The following LGI1 variants were observed in gnomAD, a reference collection of about 807,000 sequenced individuals.
LGI1 encodes the protein leucine rich glioma inactivated 1.
LGI1 carries 11 observed loss-of-function variants against 57.7 expected under a neutral mutation model. The observed-to-expected ratio is 0.19, with a 90% CI of 0.12 to 0.32. The LOEUF is 0.32. Ranked by LOEUF, LGI1 falls within the 10% of genes least tolerant of loss-of-function variation. The pLI is 1.00. For missense variants in LGI1, 422 were observed against 661.9 expected (o/e 0.64, Z 3.98); for synonymous variants, 222 against 241.9 (o/e 0.92, Z 0.76).
rs190115705 is a variant in LGI1 at position 93,787,315 on chromosome 10, C to A, written c.432-2784C>A. ...CTCCCTCTGGCTCCCCTGCCTCCCC[C>A]ACCCTCTGATTCCCAAGGCAAAAGC... On this transcript the variant is annotated intron_variant, in intron 4 of 7. Coordinates refer to ENST00000371418, the MANE Select transcript of LGI1 (RefSeq NM_005097.4). Among the ~76,000 whole-genome samples the A allele has an allele frequency of 2.1e-3, 317 of 152,318 alleles. 1 individual carries two copies. The highest frequency in any genetic ancestry group is 7.3e-3 in the African/African-American group (303 of 41,570).
At chr10:93,791,426 A>C (rs2059937419) in intron 5 of LGI1, 1 of 152,312 alleles carries the variant, frequency 6.6e-6, no homozygotes, top group Non-Finnish European at 1.5e-5. Context: ...AGTGAAAGAC[A>C]AAACAAAAAA....
At chr10:93,764,911 A>T (rs997094474) in intron 2 of LGI1, 1 of 152,224 alleles carries the variant, frequency 6.6e-6, no homozygotes, top group African/African-American at 2.4e-5. Context: ...GGTTCTACAC[A>T]CAGTTCCCCA....
intron 6 of LGI1, 60 bp from the exon 7 acceptor site, chr10:93,793,126 A>C: frequency 1.4e-6 from 2 of 1,406,260 alleles, no homozygotes; most frequent in South Asian, 2.5e-5. Context: ...TGAATATTTA[A>C]GATCTAGCCA....
At chr10:93,778,464 A>C (rs770307873) in intron 4 of LGI1, among the ~76,000 whole-genome samples, 1 of 152,176 alleles carries the variant, frequency 6.6e-6, no homozygotes, top group Non-Finnish European at 1.5e-5. Flanking sequence ...CTAGAAGAGC[A>C]TGGAAAGAAA....
At chr10:93,765,802 C>T (rs921046245) in intron 2 of LGI1, 11 of 151,980 alleles carry the variant, frequency 7.2e-5, no homozygotes, top group African/African-American at 2.7e-4. Context: ...AACCCCGTCT[C>T]TACTAAAAAT....
At chr10:93,779,421 G>A (rs1214263934) in intron 4 of LGI1, among the ~76,000 whole-genome samples, 1 of 143,420 alleles carries the variant, frequency 7.0e-6, no homozygotes, top group Non-Finnish European at 1.5e-5. Context: ...AAGGAGGGAG[G>A]GAGCGAGGGA....
At chr10:93,791,726 A>G (rs2059939311) in intron 5 of LGI1, 1 of 152,252 alleles carries the variant, frequency 6.6e-6, no homozygotes, top group Non-Finnish European at 1.5e-5. Context: ...CAATGCAAAT[A>G]CACAGAGAAC....
intron 4 of LGI1, chr10:93,788,684 C>G (rs1373776687): frequency 6.6e-6 from 1 of 152,144 alleles, no homozygotes; most frequent in East Asian, 1.9e-4. Flanking sequence ...TCATTGAGAA[C>G]CATTTTCCAA....
intron 5 of LGI1, 45 bp downstream of exon 5, chr10:93,790,215 T>A (rs1046971626): frequency 6.8e-7 from 1 of 1,464,196 alleles, no homozygotes; most frequent in African/African-American, 1.4e-5. Context: ...TAATTTGCAG[T>A]CATTAACAAG....
chr10:93,759,180 C>G (rs2059596938), intron 2 of LGI1: 1 of 339,802 alleles, frequency 2.9e-6, no homozygotes, highest in Non-Finnish European at 5.6e-6. Context: ...TTAGTCAATA[C>G]AGAACCCAGC....
intron 2 of LGI1, among the ~76,000 whole-genome samples, chr10:93,775,170 C>T (rs894432685): frequency 6.6e-6 from 1 of 152,094 alleles, no homozygotes; most frequent in African/African-American, 2.4e-5. Flanking sequence ...GTAACCAGCA[C>T]CCAGGTCAAG....
intron 4 of LGI1, among the ~76,000 whole-genome samples, chr10:93,785,621 C>T (rs7099034): frequency 0.78 from 118,528 of 152,040 alleles, 51,155 homozygotes; most frequent in Non-Finnish European, 0.95. Flanking sequence ...CGTATAGCAA[C>T]TAGAGCTTCT....
chr10:93,761,490 T>C lies in LGI1; in HGVS notation c.287+2659T>C, dbSNP rs562380841. Among the ~76,000 whole-genome samples, 13 of 152,316 alleles carry C rather than the reference T, an allele frequency of 8.5e-5. No homozygotes were observed. The South Asian group carries it at 2.5e-3, about 29-fold the overall frequency. Reference sequence around the variant, plus strand: ...ATTTCCATCATCCACCCTAAAAATCTGATAATGTCAGTATGCCCCCAGATG... The same window carrying C: ...ATTTCCATCATCCACCCTAAAAATCCGATAATGTCAGTATGCCCCCAGATG... On this transcript the variant is annotated intron_variant, in intron 2 of 7. Transcript: ENST00000371418.
intron 2 of LGI1, among the ~76,000 whole-genome samples, chr10:93,761,470 C>G (rs1312083236): frequency 6.6e-6 from 1 of 152,196 alleles, no homozygotes; most frequent in African/African-American, 2.4e-5. Flanking sequence ...GTCCTATTTC[C>G]ATCATCCACC....
chr10:93,793,411 A>G, intron 7 of LGI1, 61 bp downstream of exon 7: 2 of 1,362,848 alleles, frequency 1.5e-6, no homozygotes, highest in Non-Finnish European at 1.1e-6. Context: ...AAGGGCAACA[A>G]GGAAAGATGA....
intron 4 of LGI1, among the ~76,000 whole-genome samples, chr10:93,783,339 G>A (rs952694063): frequency 6.6e-6 from 1 of 152,206 alleles, no homozygotes; most frequent in Admixed American, 6.5e-5. Context: ...TCGCGCCACT[G>A]CACTCCAGCT....
Position 93,758,213 on chromosome 10 carries a change from A to G in LGI1, c.69A>G (p.Leu23=), listed in dbSNP as rs868635600. 1.2e-5 allele frequency: 19 copies of G among 1,614,094 alleles called. No individual in the cohort carries two copies. Among genetic ancestry groups the G allele is most frequent in the Middle Eastern group, 1.6e-4 (1 of 6,084 alleles). The change falls in exon 1 of 8, where the codon CTA becomes CTG. Residue 23 remains leucine (L), a synonymous_variant. Coordinates refer to ENST00000371418, the MANE Select transcript of LGI1 (RefSeq NM_005097.4). The surrounding 1 kb of genome is among the most constrained non-coding windows in gnomAD (Gnocchi z 4.7). The part of the protein sequence containing the change: ...CIPLKRIAYF[L]CLLSALLLTE... ...CCCTGAAAAGAATTGCTTATTTCCT[A>G]TGTCTCTTATCTGCGCTTTTGCTGA...
intron 2 of LGI1, among the ~76,000 whole-genome samples, chr10:93,773,921 G>C (rs1269148630): frequency 6.6e-6 from 1 of 152,216 alleles, no homozygotes; most frequent in Non-Finnish European, 1.5e-5. Context: ...ACAGGGTCCA[G>C]ATCTCTGATC....
chr10:93,788,917 T>C (rs1276931552), intron 4 of LGI1: 1 of 21,864 alleles, frequency 4.6e-5, no homozygotes. Flanking sequence ...ATTTTTATTG[T>C]GGAAAAAAAA....
Sources: allele counts gnomAD v4.1 joint callset (sites outside exome capture counted in the v4.1 genomes callset), GRCh38; gene constraint gnomAD v4.1.1; non-coding constraint Gnocchi (gnomAD v3.1); transcripts MANE v1.5; gene names NCBI Gene and HGNC (gene_info 2026-07-23, HGNC 2026-07-21).